PRR11: variants seen among roughly 807,000 people sequenced by gnomAD.
The protein encoded by PRR11 is proline-rich protein 11.
Under a neutral mutation model 45.6 loss-of-function variants are expected in PRR11, and 30 were observed. The observed-to-expected ratio is 0.66, with a 90% confidence interval of 0.49 to 0.89. PRR11 has a LOEUF of 0.89. Among genes scored for constraint, PRR11 ranks in the 40% least tolerant of loss-of-function variants. The pLI is 0.00. For synonymous variants in PRR11, 128 were observed against 153.5 expected, an observed-to-expected ratio of 0.83 and a Z score of 1.23; for missense variants, 373 against 424.8, an observed-to-expected ratio of 0.88 and a Z score of 1.07.
At chr17:59,176,206 C>T (rs904279660) in intron 2 of PRR11, among the ~76,000 whole-genome samples, 3 of 152,024 alleles carry the variant, frequency 2.0e-5, no homozygotes, top group Non-Finnish European at 2.9e-5. Context: ...TTGGAAAGAG[C>T]GGTGAAGCCA....
At position 59,173,503 on chromosome 17, in the gene PRR11, G is replaced by T. The variant is rs918704003; in HGVS notation, c.128+3623G>T. On this transcript the variant is annotated intron_variant, in intron 2 of 9. Coordinates refer to ENST00000262293, the MANE Select transcript of PRR11 (RefSeq NM_018304.4). ...AAGCCAGTGAGACCACGAACCCACCGGGAGGAACGAATAACTCCAGACGCC... is the reference window on the plus strand; with the variant it reads ...AAGCCAGTGAGACCACGAACCCACCTGGAGGAACGAATAACTCCAGACGCC... Among the ~76,000 whole-genome samples the T allele has an allele frequency of 2.0e-5, 3 of 151,876 alleles. No homozygotes were observed. In the South Asian group the frequency reaches 6.3e-4, roughly 32 times the overall value.
chr17:59,178,312 C>G (rs2046760244), intron 2 of PRR11, among the ~76,000 whole-genome samples: 2 of 151,902 alleles, frequency 1.3e-5, no homozygotes, highest in South Asian at 4.2e-4. Flanking sequence ...CCAGCCTGGG[C>G]AACAGAGCGA....
At chr17:59,182,834 G>A (rs1647947823) in intron 2 of PRR11, among the ~76,000 whole-genome samples, 1 of 152,154 alleles carries the variant, frequency 6.6e-6, no homozygotes, top group African/African-American at 2.4e-5. Flanking sequence ...CCTCATCCTG[G>A]GGGTGCGGTT....
At chr17:59,198,460 G>A (rs1421296550) in intron 9 of PRR11, among the ~76,000 whole-genome samples, 3 of 152,168 alleles carry the variant, frequency 2.0e-5, no homozygotes, top group Non-Finnish European at 4.4e-5. Flanking sequence ...TGAATCATGA[G>A]CTCAGGAGTT....
chr17:59,190,058 T>C (rs2046834020), intron 4 of PRR11, among the ~76,000 whole-genome samples: 1 of 152,192 alleles, frequency 6.6e-6, no homozygotes, highest in Non-Finnish European at 1.5e-5. Flanking sequence ...AAACCTTCCC[T>C]TCTCTCCTTC....
Position 59,180,123 on chromosome 17 carries a change from T to C in PRR11, c.129-4931T>C, listed in dbSNP as rs186220492. Among the ~76,000 whole-genome samples the C allele has an allele frequency of 3.5e-3, 501 of 141,204 alleles. 6 individuals carry two copies. The highest frequency in any genetic ancestry group is 0.013 in the African/African-American group (485 of 36,254). The allele number at this position is 141,204 out of a possible 152,430, so 92.6% of individuals were successfully genotyped here. A position where few individuals can be genotyped will look rare whatever the true frequency, so the allele number is the denominator to read the frequency against. On this transcript the variant is annotated intron_variant, in intron 2 of 9. Coordinates refer to ENST00000262293, the MANE Select transcript of PRR11 (RefSeq NM_018304.4). Reference sequence around the variant, plus strand: ...TCCCTCATCCCTAGTTCTCTGAGTCTCTCCTTTTTTTTTTTTTTTTTTTTT... The same window carrying C: ...TCCCTCATCCCTAGTTCTCTGAGTCCCTCCTTTTTTTTTTTTTTTTTTTTT...
At chr17:59,189,189 A>G (rs1272861406) in intron 4 of PRR11, among the ~76,000 whole-genome samples, 3 of 151,386 alleles carry the variant, frequency 2.0e-5, no homozygotes, top group African/African-American at 7.3e-5. Flanking sequence ...AGTCCCAGCT[A>G]CTCAGGAGGT....
intron 1 of PRR11, among the ~76,000 whole-genome samples, chr17:59,162,957 C>T (rs973868944): frequency 8.6e-5 from 13 of 151,828 alleles, no homozygotes; most frequent in South Asian, 2.1e-4. Context: ...CTTGAACTCC[C>T]GACCTCAGGT....
At chr17:59,197,469 T>C in intron 7 of PRR11, 75 bp from the exon 8 acceptor site, 2 of 1,328,876 alleles carry the variant, frequency 1.5e-6, no homozygotes, top group South Asian at 2.4e-5. Flanking sequence ...GCAAGGATGG[T>C]CTTGATCTCC....
At chr17:59,184,113 T>A (rs1335783775) in intron 2 of PRR11, among the ~76,000 whole-genome samples, 5 of 152,044 alleles carry the variant, frequency 3.3e-5, no homozygotes, top group East Asian at 1.9e-4. Flanking sequence ...TCAAAAAAAA[T>A]TTTTTTGATA....
intron 2 of PRR11, among the ~76,000 whole-genome samples, chr17:59,179,040 G>A (rs780730769): frequency 1.1e-4 from 17 of 152,112 alleles, no homozygotes; most frequent in Admixed American, 7.9e-4. Context: ...CGCTCTGTGG[G>A]CCGGGCTGGA....
At chr17:59,196,423 C>T (rs1004497691) in intron 7 of PRR11, among the ~76,000 whole-genome samples, 6 of 152,104 alleles carry the variant, frequency 3.9e-5, no homozygotes, top group Admixed American at 1.3e-4. Context: ...GTCGCCCAGA[C>T]TGGAGTGCAG....
chr17:59,167,738 T>C (rs2046686907), intron 1 of PRR11, among the ~76,000 whole-genome samples: 1 of 152,218 alleles, frequency 6.6e-6, no homozygotes, highest in African/African-American at 2.4e-5. Context: ...ATGGCATTTG[T>C]AAACTGTCTT....
chr17:59,184,098 T>C (rs1006806297), intron 2 of PRR11, among the ~76,000 whole-genome samples: 3 of 152,006 alleles, frequency 2.0e-5, no homozygotes, highest in African/African-American at 4.8e-5. Context: ...CAGCAAGACG[T>C]TGTGTCAAAA....
At chr17:59,184,850 GTTT>G (rs5821252) in intron 2 of PRR11, among the ~76,000 whole-genome samples, 202 of 72,684 alleles carry the variant, frequency 2.8e-3, no homozygotes, top group African/African-American at 0.011. Context: ...GCCTGATTAA[GTTT>G]TTTTTTTTTT....
chr17:59,184,692 A>C (rs918255791), intron 2 of PRR11, among the ~76,000 whole-genome samples: 9 of 152,048 alleles, frequency 5.9e-5, no homozygotes, highest in Non-Finnish European at 1.2e-4. Flanking sequence ...ACAGTTTGCT[A>C]TCTCTCTCCT....
At position 59,201,462 on chromosome 17, in the gene PRR11, A is replaced by C. The variant is rs908615806; in HGVS notation, c.1015-101A>C. The C allele has an allele frequency of 6.0e-6, 7 of 1,173,228 alleles. No homozygotes were observed. In the Middle Eastern group the frequency reaches 7.7e-4, roughly 129 times the overall value. 72.7% of individuals were successfully genotyped at this position (1,173,228 alleles called of 1,614,324 possible). A position where few individuals can be genotyped will look rare whatever the true frequency, so the allele number is the denominator to read the frequency against. Reference sequence around the variant, plus strand: ...AAAGTGGTTTTTACAATCTGAATGCAGTGTTGCCATGCAAAAATTCTGGGT... The same window carrying C: ...AAAGTGGTTTTTACAATCTGAATGCCGTGTTGCCATGCAAAAATTCTGGGT... On this transcript the variant is annotated intron_variant, in intron 9 of 9. Transcript: ENST00000262293.
At chr17:59,195,229 C>A in intron 6 of PRR11, 102 bp from the exon 7 acceptor site, 1 of 865,854 alleles carries the variant, frequency 1.2e-6, no homozygotes, top group Non-Finnish European at 1.9e-6. Context: ...CTGGATATAT[C>A]TTACACAAAC....
At chr17:59,164,873 T>C (rs1020487375) in intron 1 of PRR11, among the ~76,000 whole-genome samples, 3 of 150,226 alleles carry the variant, frequency 2.0e-5, no homozygotes, top group African/African-American at 4.9e-5. Flanking sequence ...AGCAAGACCG[T>C]GTCTCAAAAA....
Sources: allele counts gnomAD v4.1 joint callset (sites outside exome capture counted in the v4.1 genomes callset), GRCh38; gene constraint gnomAD v4.1.1; transcripts MANE v1.5; gene names NCBI Gene and HGNC (gene_info 2026-07-23, HGNC 2026-07-21).